ARHGEF11: variants seen among roughly 807,000 people sequenced by gnomAD.
ARHGEF11 encodes Rho guanine exchange factor (GEF) 11.
Under a neutral mutation model 193.7 loss-of-function variants are expected in ARHGEF11, and 55 were observed. The ratio of observed to expected loss-of-function variants is 0.28; its 90% confidence interval spans 0.23 to 0.36. The LOEUF (loss-of-function observed/expected upper bound fraction) is 0.36. Ranked by LOEUF, ARHGEF11 falls within the 10% of genes least tolerant of loss-of-function variation. The pLI is 1.00. For missense variants in ARHGEF11, 1,723 were observed against 2,005.6 expected, an observed-to-expected ratio of 0.86 and a Z score of 2.69; for synonymous variants, 693 against 768.0, an observed-to-expected ratio of 0.90 and a Z score of 1.62.
intron 21 of ARHGEF11, among the ~76,000 whole-genome samples, chr1:156,952,424 G>C (rs1659249348): frequency 6.6e-6 from 1 of 152,196 alleles, no homozygotes; most frequent in Admixed American, 6.5e-5. Flanking sequence ...TCAGCAGGAG[G>C]GAAGAGAGAT....
chr1:156,979,361 CTTTTTTTTT>C (rs36031299), intron 4 of ARHGEF11, 75 bp from the exon 5 acceptor site: 6 of 507,256 alleles, frequency 1.2e-5, no homozygotes, highest in African/African-American at 3.0e-5. Flanking sequence ...CAAAATGCCA[CTTTTTTTTT>C]TTTTTTTTTT....
At chr1:156,937,048 T>TA (rs1557809956) in intron 39 of ARHGEF11, 43 bp from the exon 40 acceptor site, 2 of 1,598,472 alleles carry the variant, frequency 1.3e-6, no homozygotes, top group African/African-American at 2.7e-5. Flanking sequence ...GTCCTTCTAT[T>TA]CCTAAGGCCC....
In ARHGEF11 at chr1:156,970,046, G is replaced by A. The variant is rs778218627; in HGVS notation, c.703-3C>T. On this transcript the variant is annotated splice_region_variant and splice_polypyrimidine_tract_variant and intron_variant, in intron 8 of 40. Transcript: ENST00000368194. ...TCACCATATAGTGGAAGTATGTCCTGAAACAGAAAGGCCCACAGGGTGGGC... is the reference window on the plus strand; with the variant it reads ...TCACCATATAGTGGAAGTATGTCCTAAAACAGAAAGGCCCACAGGGTGGGC... 1 of 1,613,888 alleles carries A rather than the reference G, an allele frequency of 6.2e-7. No individual in the cohort carries two copies. The highest frequency in any genetic ancestry group is 2.2e-5 in the East Asian group (1 of 44,868).
In ARHGEF11 at chr1:157,044,361, C is replaced by T. The variant is rs1673122260; in HGVS notation, c.-31G>A. 1 of 1,612,794 alleles carries T rather than the reference C, an allele frequency of 6.2e-7. No homozygotes were observed. Among genetic ancestry groups the T allele is most frequent in the Non-Finnish European group, 8.5e-7 (1 of 1,179,164 alleles). On this transcript the variant is annotated 5_prime_UTR_variant, in exon 1 of 41. Coordinates refer to ENST00000368194, the MANE Select transcript of ARHGEF11 (RefSeq NM_198236.3). ...CTCGGTGTCTCCACGGTTCCAGAATCCTGTAGCTTTGGTGTCTTGATCAGG... is the reference window on the plus strand; with the variant it reads ...CTCGGTGTCTCCACGGTTCCAGAATTCTGTAGCTTTGGTGTCTTGATCAGG...
chr1:156,986,581 CA>C (rs1282589966), intron 1 of ARHGEF11, among the ~76,000 whole-genome samples: 2 of 152,058 alleles, frequency 1.3e-5, no homozygotes, highest in Non-Finnish European at 2.9e-5. Context: ...AACAAACAGC[CA>C]GTTAGTTTTA....
At chr1:156,976,707 T>C (rs570865102) in intron 7 of ARHGEF11, among the ~76,000 whole-genome samples, 77 of 152,362 alleles carry the variant, frequency 5.1e-4, no homozygotes, top group African/African-American at 1.8e-3. Flanking sequence ...TCCTTGGAAA[T>C]GTCCCAGATA....
chr1:156,937,364 C>T lies in ARHGEF11; in HGVS notation c.4325G>A (p.Gly1442Glu), dbSNP rs368697194. 2.5e-6 allele frequency: 4 copies of T among 1,611,540 alleles called. No homozygotes were observed. In the African/African-American group the frequency reaches 4.0e-5, roughly 16 times the overall value. The change falls in exon 39 of 41, where the codon GGA becomes GAA. Residue 1442 changes from glycine to glutamate, a missense_variant. Gly to Glu is a moderately conservative substitution (Grantham distance 98, BLOSUM62 -2). Coordinates refer to ENST00000368194, the MANE Select transcript of ARHGEF11 (RefSeq NM_198236.3). ...GGGGCGTCTTGGATCATCGTTGCCT[C>T]CCTGCAGCTGAGGCTGAGGCTCTGT... ...GQTEPQPQLQGGNDDPRRPSR... is the reference protein window; with the variant it reads ...GQTEPQPQLQEGNDDPRRPSR...
chr1:157,037,916 C>G (rs2103069626), intron 1 of ARHGEF11, among the ~76,000 whole-genome samples: 1 of 150,404 alleles, frequency 6.6e-6, no homozygotes, highest in South Asian at 2.1e-4. Flanking sequence ...GTCTGTAATC[C>G]CAACTACTTG....
At chr1:156,999,958 C>T (rs1329171444) in intron 1 of ARHGEF11, among the ~76,000 whole-genome samples, 2 of 152,194 alleles carry the variant, frequency 1.3e-5, no homozygotes, top group African/African-American at 2.4e-5. Flanking sequence ...AACCACTCTA[C>T]AAGAGTATCT....
chr1:156,936,658 A>G (rs883232), intron 40 of ARHGEF11, among the ~76,000 whole-genome samples, 158 bp downstream of exon 40: 27,638 of 151,552 alleles, frequency 0.18, 3,208 homozygotes, highest in East Asian at 0.44. Context: ...GGACTTCCCT[A>G]AAAAGATCCC....
intron 37 of ARHGEF11, 180 bp from the exon 38 acceptor site, chr1:156,938,693 C>G (rs1225054446): frequency 3.8e-6 from 2 of 521,980 alleles, no homozygotes; most frequent in Admixed American, 3.6e-5. Flanking sequence ...GAACTTTCCA[C>G]CAATTCACCG....
chr1:156,971,721 G>C lies in ARHGEF11; in HGVS notation c.678C>G (p.Ile226Met). ...RRRVTQLQLK[I>M]QQETGGSVDI... is the part of the protein sequence containing the mutation. ...CCACTGAGCCACCAGTCTCCTGCTG[G>C]ATCTTCAGCTGTAACTGAGTGACTC... Residue 226 changes from isoleucine (I) to methionine (M), a missense_variant, in exon 8 of 41, where the codon ATC becomes ATG. Physicochemically the swap from Ile to Met is conservative, Grantham distance 10 (BLOSUM62 1). This residue lies in a region of ARHGEF11 where 646 missense variants were observed against 710.7 expected (regional missense o/e 0.91). Coordinates refer to ENST00000368194, the MANE Select transcript of ARHGEF11 (RefSeq NM_198236.3). 6.2e-7 allele frequency: 1 copy of C among 1,613,966 alleles called. No individual in the cohort carries two copies.
chr1:156,973,890 G>A (rs76674456), intron 7 of ARHGEF11, among the ~76,000 whole-genome samples: 4,102 of 152,048 alleles, frequency 0.027, 74 homozygotes, highest in South Asian at 0.055. Context: ...TAGCCTCCTC[G>A]ATGGTTTCCT....
intron 1 of ARHGEF11, among the ~76,000 whole-genome samples, chr1:157,035,240 C>T (rs962316524): frequency 6.6e-6 from 1 of 152,084 alleles, no homozygotes; most frequent in African/African-American, 2.4e-5. Context: ...ACAGCCATGC[C>T]TGTCTGTCCT....
chr1:156,990,699 T>TAA (rs57485864), intron 1 of ARHGEF11, among the ~76,000 whole-genome samples: 18 of 151,528 alleles, frequency 1.2e-4, no homozygotes, highest in African/African-American at 4.1e-4. Context: ...TATTACCCTT[T>TAA]AAAAAAAAAG....
At chr1:157,039,648 C>A in intron 1 of ARHGEF11, among the ~76,000 whole-genome samples, 1 of 152,110 alleles carries the variant, frequency 6.6e-6, no homozygotes, top group East Asian at 1.9e-4. Context: ...AGGAACACCA[C>A]AATCCACAGC....
chr1:156,938,683 G>GA, intron 37 of ARHGEF11, 170 bp from the exon 38 acceptor site: 1 of 548,148 alleles, frequency 1.8e-6, no homozygotes, highest in East Asian at 3.2e-5. Flanking sequence ...GCAGTGCAGA[G>GA]AACTTTCCAC....
Position 156,937,450 on chromosome 1 carries a change from G to T in ARHGEF11, c.4239C>A (p.Ser1413Arg). ...VSMPSGPPDSSTDHSEAPMSP... is the reference protein window; with the variant it reads ...VSMPSGPPDSRTDHSEAPMSP... ...TCATGGGTGCCTCTGAGTGGTCGGT[G>T]CTTGAGTCCGGGGGTCCTGATGGCA... The change falls in exon 39 of 41, where the codon AGC becomes AGA. Residue 1413 changes from serine (S) to arginine (R), a missense_variant. Physicochemically the swap from Ser to Arg is moderately radical, Grantham distance 110 (BLOSUM62 -1). Around this residue, in one of 5 missense-constraint regions of ARHGEF11, gnomAD observed 360 missense variants for 344.4 expected, o/e 1.05. Transcript: ENST00000368194. The T allele has an allele frequency of 1.1e-5, 17 of 1,553,962 alleles. No homozygotes were observed. The highest frequency in any genetic ancestry group is 1.5e-5 in the Non-Finnish European group (17 of 1,153,280).
chr1:156,967,768 C>T (rs530664183), intron 11 of ARHGEF11: 78 of 622,636 alleles, frequency 1.3e-4, no homozygotes, highest in African/African-American at 1.2e-3. Context: ...TTCACCCACT[C>T]TCCACATAGA....
Sources: allele counts gnomAD v4.1 joint callset (sites outside exome capture counted in the v4.1 genomes callset), GRCh38; gene constraint gnomAD v4.1.1; regional missense constraint gnomAD v4.1.1; transcripts MANE v1.5; gene names NCBI Gene and HGNC (gene_info 2026-07-23, HGNC 2026-07-21).